Variants in TBXA2R observed in about 807,000 individuals in gnomAD.
TBXA2R encodes thromboxane A2 receptor, also known as prostanoid TP receptor.
A neutral mutation model predicts 15.6 loss-of-function variants in TBXA2R; 15 were observed. The observed-to-expected ratio is 0.96, with a 90% CI of 0.64 to 1.48. The LOEUF is 1.48. Among genes scored for constraint, TBXA2R ranks in the 40% most tolerant of loss-of-function variants. TBXA2R has a pLI of 0.00. For synonymous variants in TBXA2R, 280 were observed against 241.2 expected (o/e 1.16, Z -1.49); for missense variants, 506 against 491.4 (o/e 1.03, Z -0.28).
chr19:3,602,327 G>A (rs963693161), intron 1 of TBXA2R, among the ~76,000 whole-genome samples: 1 of 152,208 alleles, frequency 6.6e-6, no homozygotes, highest in South Asian at 2.1e-4. Context: ...GATGGAACCC[G>A]GGTCTCCTGC....
rs2032689068 is a variant in TBXA2R, at chr19:3,600,020, G to T, written c.615C>A (p.Gly205=). 6.2e-7 allele frequency: 1 copy of T among 1,612,106 alleles called. No individual in the cohort carries two copies. The highest frequency in any genetic ancestry group is 8.5e-7 in the Non-Finnish European group (1 of 1,179,488). Residue 205 remains glycine, a synonymous_variant, in exon 2 of 3, where the codon GGC becomes GGA. Coordinates refer to ENST00000375190, the MANE Select transcript of TBXA2R (RefSeq NM_001060.6). Reference sequence around the variant, plus strand: ...GCAGGAAGGACAGCCCGACCGAGAGGCCGCCCAGCATGGAGAAGAGCAGCC... The same window carrying T: ...GCAGGAAGGACAGCCCGACCGAGAGTCCGCCCAGCATGGAGAAGAGCAGCC... The part of the protein sequence containing the change: ...AFGLLFSMLG[G]LSVGLSFLLN...
rs199916123 is a variant in TBXA2R, at chr19:3,594,722, C to T, written c.*966G>A. ...TTCCCAGCCCTGCCCTCGTCTGCTC[C>T]GGGTGAGGCCCAATGCACAAACTCC... On this transcript the variant is annotated 3_prime_UTR_variant, in exon 3 of 3. Transcript: ENST00000375190. The T allele has an allele frequency of 4.1e-4, 363 of 894,152 alleles. No individual in the cohort carries two copies. The highest frequency in any genetic ancestry group is 5.9e-4 in the South Asian group (34 of 57,982). 55.4% of individuals were successfully genotyped at this position (894,152 alleles called of 1,614,324 possible).
intron 1 of TBXA2R, among the ~76,000 whole-genome samples, chr19:3,605,755 A>G (rs1371491592): frequency 6.6e-6 from 1 of 151,874 alleles, no homozygotes; most frequent in East Asian, 1.9e-4. Flanking sequence ...ATACAGATAG[A>G]CACACACAGA....
intron 2 of TBXA2R, among the ~76,000 whole-genome samples, chr19:3,599,317 G>A (rs2032663934): frequency 7.8e-6 from 1 of 128,864 alleles, no homozygotes; most frequent in African/African-American, 3.0e-5. Context: ...ACCATGTCTG[G>A]CTAATTTTTT....
Position 3,600,339 on chromosome 19 carries a change from T to C in TBXA2R, c.296A>G (p.Asp99Gly), listed in dbSNP as rs894031053. 3 of 1,612,930 alleles carry C rather than the reference T, an allele frequency of 1.9e-6. No individual in the cohort carries two copies. The South Asian group carries it at 3.3e-5, about 18-fold the overall frequency. ...GAAGCGACAGAGACGGCAGCCAGGG[T>C]CCACGGCGTGCCACTCGAAGAGCGC... ...HAALFEWHAV[D>G]PGCRLCRFMG... Residue 99 changes from aspartate (D) to glycine (G), a missense_variant, in exon 2 of 3, where the codon GAC (aspartate) becomes GGC (glycine). Asp to Gly is a moderately conservative substitution (Grantham distance 94, BLOSUM62 -1). Transcript: ENST00000375190.
In TBXA2R at chr19:3,600,155, C is replaced by G; in HGVS notation, c.480G>C (p.Ala160=). ...GCAGGGGCAGCAGGCCCAGCGCCAG[C>G]GCGGCCGCCCACACCAGCCCCACGG... ...WATVGLVWAA[A]LALGLLPLLG... The change falls in exon 2 of 3, where the codon GCG becomes GCC. Residue 160 remains alanine (A), a synonymous_variant. Transcript: ENST00000375190. The G allele has an allele frequency of 2.5e-6, 4 of 1,602,882 alleles. No individual in the cohort carries two copies. Among genetic ancestry groups the G allele is most frequent in the Non-Finnish European group, 3.4e-6 (4 of 1,175,586 alleles).
chr19:3,595,634 C>T lies in TBXA2R; in HGVS notation c.*54G>A. The T allele has an allele frequency of 6.6e-7, 1 of 1,513,142 alleles. No homozygotes were observed. The highest frequency in any genetic ancestry group is 2.4e-5 in the East Asian group (1 of 41,282). The allele number at this position is 1,513,142 out of a possible 1,614,324, so 93.7% of individuals were successfully genotyped here. A position where few individuals can be genotyped will look rare whatever the true frequency, so the allele number is the denominator to read the frequency against. ...TCCTCAGAACAGGCAGATGGGCTGT[C>T]CGAGGGGCCAAGGGCTCCGCGGAAA... On this transcript the variant is annotated 3_prime_UTR_variant, in exon 3 of 3. Transcript: ENST00000375190.
rs201563283 is a variant in TBXA2R at position 3,600,825 on chromosome 19, G to GT, written c.-83-109_-83-108insA. The GT allele has an allele frequency of 8.1e-3, 3,659 of 453,206 alleles. 51 individuals carry two copies. The highest frequency in any genetic ancestry group is 0.026 in the African/African-American group (946 of 36,266). 28.1% of individuals were successfully genotyped at this position (453,206 alleles called of 1,614,324 possible). On this transcript the variant is annotated intron_variant, in intron 1 of 2. Transcript: ENST00000375190. Reference sequence around the variant, plus strand: ...ATGCCCCAGCTCAAATATCCTCTCCGGTTTTTTTTTTTTTTTTTTTTGAGA... The same window carrying GT: ...ATGCCCCAGCTCAAATATCCTCTCCGTGTTTTTTTTTTTTTTTTTTTTGAGA...
Position 3,595,677 on chromosome 19 carries a change from C to T in TBXA2R, c.*11G>A. On this transcript the variant is annotated 3_prime_UTR_variant, in exon 3 of 3. Coordinates refer to ENST00000375190, the MANE Select transcript of TBXA2R (RefSeq NM_001060.6). Reference sequence around the variant, plus strand: ...CGCGGAAAGGCGCGGGAGGGGCGCTCTGTCCACTTCCTACTGCAGCCCGGA... The same window carrying T: ...CGCGGAAAGGCGCGGGAGGGGCGCTTTGTCCACTTCCTACTGCAGCCCGGA... 1 of 1,572,330 alleles carries T rather than the reference C, an allele frequency of 6.4e-7. No individual in the cohort carries two copies. Among genetic ancestry groups the T allele is most frequent in the Non-Finnish European group, 8.6e-7 (1 of 1,158,432 alleles).
At chr19:3,600,739 G>C in intron 1 of TBXA2R, 22 bp from the exon 2 acceptor site, 1 of 1,326,798 alleles carries the variant, frequency 7.5e-7, no homozygotes, top group Non-Finnish European at 1.1e-6. Context: ...GAGAAGATTT[G>C]CTTGTGATTA....
At position 3,594,968 on chromosome 19, in the gene TBXA2R, T is replaced by C. The variant is rs201500886; in HGVS notation, c.*720A>G. 3 of 1,532,616 alleles carry C rather than the reference T, an allele frequency of 2.0e-6. No homozygotes were observed. The highest frequency in any genetic ancestry group is 2.6e-6 in the Non-Finnish European group (3 of 1,144,568). 94.9% of individuals were successfully genotyped at this position (1,532,616 alleles called of 1,614,324 possible). Reference sequence around the variant, plus strand: ...AGTGGCTTACGCCTGTAATCCCAGCTGCTCGGGAGGCTGAGGCACGAGAAT... The same window carrying C: ...AGTGGCTTACGCCTGTAATCCCAGCCGCTCGGGAGGCTGAGGCACGAGAAT... On this transcript the variant is annotated 3_prime_UTR_variant, in exon 3 of 3. Coordinates refer to ENST00000375190, the MANE Select transcript of TBXA2R (RefSeq NM_001060.6).
At chr19:3,602,389 G>C (rs1309335595) in intron 1 of TBXA2R, among the ~76,000 whole-genome samples, 1 of 152,000 alleles carries the variant, frequency 6.6e-6, no homozygotes, top group Non-Finnish European at 1.5e-5. Flanking sequence ...GTGGGCAAAG[G>C]TGGGCGAATG....
rs1404195587 is a variant in TBXA2R at position 3,600,064 on chromosome 19, A to C, written c.571T>G (p.Ser191Ala). The change falls in exon 2 of 3, where the codon TCC (serine) becomes GCC (alanine). Residue 191 changes from serine (S) to alanine (A), a missense_variant. Coordinates refer to ENST00000375190, the MANE Select transcript of TBXA2R (RefSeq NM_001060.6). ...SWCFLTLGAESGDVAFGLLFS... is the reference protein window; with the variant it reads ...SWCFLTLGAEAGDVAFGLLFS... ...AGCAGCCCGAAGGCCACGTCCCCGG[A>C]CTCGGCGCCCAGCGTCAGGAAGCAC... 1.2e-6 allele frequency: 2 copies of C among 1,612,520 alleles called. No homozygotes were observed. The highest frequency in any genetic ancestry group is 1.7e-6 in the Non-Finnish European group (2 of 1,179,714).
At chr19:3,603,172 G>T (rs940697339) in intron 1 of TBXA2R, among the ~76,000 whole-genome samples, 3 of 152,224 alleles carry the variant, frequency 2.0e-5, no homozygotes, top group African/African-American at 7.2e-5. Flanking sequence ...AGCAGCTAAC[G>T]CATTCCAGGG....
intron 1 of TBXA2R, among the ~76,000 whole-genome samples, chr19:3,602,052 T>A (rs899582291): frequency 2.0e-5 from 3 of 150,940 alleles, no homozygotes; most frequent in Non-Finnish European, 4.4e-5. Flanking sequence ...AAACCCTGTC[T>A]CTACTAAAAA....
In TBXA2R at chr19:3,600,641, G is replaced by A. The variant is rs766489772; in HGVS notation, c.-7C>T. 2 of 1,611,372 alleles carry A rather than the reference G, an allele frequency of 1.2e-6. No individual in the cohort carries two copies. Among genetic ancestry groups the A allele is most frequent in the South Asian group, 1.1e-5 (1 of 90,800 alleles). ...AACTGCCGTTGGGCCACATGGCTCC[G>A]GAGCCCTGAGGGATCAGTCACCACC... On this transcript the variant is annotated 5_prime_UTR_variant, in exon 2 of 3. Transcript: ENST00000375190.
chr19:3,598,706 T>G (rs932237671), intron 2 of TBXA2R, among the ~76,000 whole-genome samples: 2 of 152,016 alleles, frequency 1.3e-5, no homozygotes, highest in African/African-American at 4.8e-5. Context: ...TCTCGCTCTG[T>G]CACCCAGGCT....
In TBXA2R at chr19:3,595,771, G is replaced by A. The variant is rs372686968; in HGVS notation, c.949C>T (p.Arg317Trp). ...VYILFRRAVL[R>W]RLQPRLSTRP... ...GTGCTGAGGCGAGGCTGGAGACGCC[G>A]GAGCACGGCGCGGCGGAACAGGATA... is the stretch of plus-strand genomic sequence containing the variant. Residue 317 changes from arginine to tryptophan, a missense_variant, in exon 3 of 3, where the codon CGG becomes TGG. Coordinates refer to ENST00000375190, the MANE Select transcript of TBXA2R (RefSeq NM_001060.6). 10 of 1,609,410 alleles carry A rather than the reference G, an allele frequency of 6.2e-6. No individual in the cohort carries two copies. The highest frequency in any genetic ancestry group is 3.4e-5 in the Admixed American group (2 of 59,442).
intron 2 of TBXA2R, 51 bp from the exon 3 acceptor site, chr19:3,595,984 C>T (rs778236935): frequency 1.9e-6 from 3 of 1,554,420 alleles, no homozygotes; most frequent in Middle Eastern, 2.3e-4. Context: ...GCCCCGCCCG[C>T]CCCGGTCCCT....
Sources: gnomAD v4.1 joint callset for allele counts (sites outside exome capture counted in the v4.1 genomes callset) on GRCh38, gnomAD v4.1.1 for gene constraint, MANE v1.5 for transcripts, NCBI Gene and HGNC (gene_info 2026-07-23, HGNC 2026-07-21) for gene names.